Variants in AKAP19 observed in about 807,000 individuals in gnomAD.
The protein encoded by AKAP19 is small A-kinase anchoring protein.
the AKAP19 span, among the ~76,000 whole-genome samples, chr2:190,197,885 TTTTA>T: frequency 2.0e-5 from 3 of 152,206 alleles, no homozygotes; most frequent in Non-Finnish European, 4.4e-5. The surrounding 1 kb of genome is among the most constrained non-coding windows in gnomAD (Gnocchi z 4.0). Context: ...ACTCACAGCC[TTTTA>T]TTTATCTGAC....
the AKAP19 span, among the ~76,000 whole-genome samples, chr2:190,090,100 T>C: frequency 6.6e-6 from 1 of 152,218 alleles, no homozygotes; most frequent in Non-Finnish European, 1.5e-5. Context: ...TCCTTATAAC[T>C]ACCTGCCTGC....
At chr2:190,090,662 C>T in the AKAP19 span, among the ~76,000 whole-genome samples, 21 of 152,056 alleles carry the variant, frequency 1.4e-4, no homozygotes, top group Admixed American at 1.4e-3. Context: ...GGTTTGTATC[C>T]CTTGCCTGAT....
At chr2:190,026,043 C>A in the AKAP19 span, among the ~76,000 whole-genome samples, 1 of 152,166 alleles carries the variant, frequency 6.6e-6, no homozygotes, top group Non-Finnish European at 1.5e-5. Context: ...TGAACATCTG[C>A]TCATTTTAAA....
At chr2:190,075,923 T>G in the AKAP19 span, among the ~76,000 whole-genome samples, 1 of 152,172 alleles carries the variant, frequency 6.6e-6, no homozygotes, top group African/African-American at 2.4e-5. Context: ...CAGATTATTT[T>G]TTAGTATTTC....
the AKAP19 span, among the ~76,000 whole-genome samples, chr2:190,071,031 A>G: frequency 6.6e-6 from 1 of 152,178 alleles, no homozygotes; most frequent in South Asian, 2.1e-4. Context: ...AAACATTACT[A>G]CGGCTTAGTG....
the AKAP19 span, among the ~76,000 whole-genome samples, chr2:190,160,160 TTTTC>T: frequency 3.9e-5 from 6 of 152,322 alleles, no homozygotes; most frequent in Admixed American, 1.3e-4. Context: ...TATTTTGATC[TTTTC>T]TTTCTATTTC....
the AKAP19 span, among the ~76,000 whole-genome samples, chr2:190,152,198 G>T: frequency 1.3e-5 from 2 of 152,048 alleles, no homozygotes; most frequent in African/African-American, 2.4e-5. Context: ...AGCAAGAAAG[G>T]TCTTCCCATG....
chr2:189,921,769 C>G, the AKAP19 span, among the ~76,000 whole-genome samples: 1 of 152,168 alleles, frequency 6.6e-6, no homozygotes, highest in Non-Finnish European at 1.5e-5. Flanking sequence ...GTAGTATGAT[C>G]AGCTGGCAGT....
the AKAP19 span, among the ~76,000 whole-genome samples, chr2:190,134,055 T>C: frequency 1.3e-5 from 2 of 152,192 alleles, no homozygotes; most frequent in Non-Finnish European, 2.9e-5. Flanking sequence ...CCACAATATA[T>C]ACATACTTCA....
At chr2:189,883,247 G>T in the AKAP19 span, among the ~76,000 whole-genome samples, 2 of 152,140 alleles carry the variant, frequency 1.3e-5, no homozygotes, top group East Asian at 3.9e-4. Flanking sequence ...ACTTGTCAGG[G>T]AGCCACACTT....
the AKAP19 span, among the ~76,000 whole-genome samples, chr2:190,115,292 TATATATATA>T: frequency 1.1e-3 from 10 of 9,096 alleles, no homozygotes; most frequent in Non-Finnish European, 1.8e-3. Flanking sequence ...TATATATATA[TATATATATA>T]TTTTTTTTTT....
chr2:189,944,620 G>A, the AKAP19 span, among the ~76,000 whole-genome samples: 1 of 152,058 alleles, frequency 6.6e-6, no homozygotes, highest in African/African-American at 2.4e-5. Flanking sequence ...TAGATCTAAA[G>A]AGAAAGATAA....
At chr2:190,079,810 TAA>T in the AKAP19 span, 1 of 143,936 alleles carries the variant, frequency 6.9e-6, no homozygotes, top group Non-Finnish European at 1.5e-5. Context: ...GACTCCATCT[TAA>T]AAAAAAAAGA....
At chr2:189,880,550 G>A in the AKAP19 span, among the ~76,000 whole-genome samples, 4 of 152,206 alleles carry the variant, frequency 2.6e-5, no homozygotes, top group African/African-American at 9.7e-5. Flanking sequence ...AAAGGAGCAG[G>A]TAAAGGAATA....
At chr2:189,999,914 G>T in the AKAP19 span, among the ~76,000 whole-genome samples, 1 of 152,196 alleles carries the variant, frequency 6.6e-6, no homozygotes, top group African/African-American at 2.4e-5. Context: ...AACTAGTCTC[G>T]TTATATTCCG....
chr2:190,023,785 ATGTG>A, the AKAP19 span, among the ~76,000 whole-genome samples: 1 of 113,652 alleles, frequency 8.8e-6, no homozygotes, highest in Non-Finnish European at 1.9e-5. Context: ...TCTGTAGGTA[ATGTG>A]TGTGTGTATA....
chr2:189,961,443 A>G, the AKAP19 span, among the ~76,000 whole-genome samples: 3 of 152,182 alleles, frequency 2.0e-5, no homozygotes, highest in Non-Finnish European at 4.4e-5. Context: ...TACCATACAG[A>G]GAACAGTTTT....
At chr2:190,153,953 C>T in the AKAP19 span, among the ~76,000 whole-genome samples, 1 of 152,282 alleles carries the variant, frequency 6.6e-6, no homozygotes, top group African/African-American at 2.4e-5. Context: ...TACCTACTCT[C>T]TAAAGATTCC....
the AKAP19 span, among the ~76,000 whole-genome samples, chr2:189,918,051 T>C: frequency 1.3e-5 from 2 of 151,978 alleles, no homozygotes; most frequent in African/African-American, 4.8e-5. Context: ...ATTTTACTAG[T>C]TTTAGTAAAG....
Sources: gnomAD v4.1 joint callset for allele counts (sites outside exome capture counted in the v4.1 genomes callset) on GRCh38, gnomAD v4.1.1 for gene constraint, Gnocchi (gnomAD v3.1) non-coding constraint, MANE v1.5 for transcripts, NCBI Gene and HGNC (gene_info 2026-07-23, HGNC 2026-07-21) for gene names.